Variants in GUCY1A2 observed in about 807,000 individuals in gnomAD.
The protein encoded by GUCY1A2 is guanylate cyclase 1 soluble subunit alpha 2, also known as guanylate cyclase soluble subunit alpha-2.
In GUCY1A2, 27 loss-of-function variants were observed where a neutral mutation model predicts 63.5. The ratio of observed to expected loss-of-function variants is 0.43; its 90% CI spans 0.31 to 0.59. The LOEUF (loss-of-function observed/expected upper bound fraction) is 0.59. Among genes scored for constraint, GUCY1A2 ranks in the 20% least tolerant of loss-of-function variants. The pLI is 0.11. For synonymous variants in GUCY1A2, 364 were observed against 343.5 expected (o/e 1.06, Z -0.66); for missense variants, 768 against 913.3 (o/e 0.84, Z 2.05).
At chr11:106,958,613 A>T (rs1315008516) in intron 3 of GUCY1A2, among the ~76,000 whole-genome samples, 55 of 61,198 alleles carry the variant, frequency 9.0e-4, no homozygotes, top group East Asian at 1.4e-3. Flanking sequence ...GTTTAATATA[A>T]AAAAAAAAAA....
intron 6 of GUCY1A2, among the ~76,000 whole-genome samples, chr11:106,768,140 A>G (rs1490873762): frequency 2.0e-5 from 3 of 152,090 alleles, no homozygotes; most frequent in South Asian, 2.1e-4. Context: ...ACTGAATTTA[A>G]TCAATGTCAA....
chr11:106,964,589 T>C (rs1421033725), intron 3 of GUCY1A2, among the ~76,000 whole-genome samples: 3 of 152,210 alleles, frequency 2.0e-5, no homozygotes, highest in Non-Finnish European at 4.4e-5. Flanking sequence ...CTATCTCTCA[T>C]TTGGAGTCAG....
chr11:106,943,610 T>G (rs987868383), intron 3 of GUCY1A2, among the ~76,000 whole-genome samples: 17 of 152,342 alleles, frequency 1.1e-4, no homozygotes, highest in African/African-American at 3.8e-4. Flanking sequence ...TATTTATGTC[T>G]GCGTATCTAT....
At chr11:106,747,240 G>A (rs1217071339) in intron 6 of GUCY1A2, among the ~76,000 whole-genome samples, 2 of 152,080 alleles carry the variant, frequency 1.3e-5, no homozygotes, top group Non-Finnish European at 1.5e-5. Context: ...TGCCCGCCTC[G>A]GCCTGCCAAA....
chr11:106,831,283 GACATTCCCGTGAACATGA>G (rs1859047084), intron 4 of GUCY1A2, among the ~76,000 whole-genome samples: 1 of 152,152 alleles, frequency 6.6e-6, no homozygotes, highest in Non-Finnish European at 1.5e-5. Context: ...TGTCTTTCTA[GACATTCCCGTGAACATGA>G]ACAACGTGTA....
At chr11:106,738,791 G>GT (rs1863636192) in intron 6 of GUCY1A2, among the ~76,000 whole-genome samples, 1 of 152,100 alleles carries the variant, frequency 6.6e-6, no homozygotes, top group Non-Finnish European at 1.5e-5. Context: ...TTTGGTTACT[G>GT]TAGCCTTGTA....
At chr11:106,712,277 G>A (rs190221919) in intron 6 of GUCY1A2, among the ~76,000 whole-genome samples, 30 of 152,096 alleles carry the variant, frequency 2.0e-4, no homozygotes, top group Admixed American at 2.0e-3. Context: ...CTTTTGCAAT[G>A]TCTAATTTGT....
At chr11:106,951,868 G>A (rs1456974674) in intron 3 of GUCY1A2, among the ~76,000 whole-genome samples, 2 of 151,976 alleles carry the variant, frequency 1.3e-5, no homozygotes, top group African/African-American at 2.4e-5. Context: ...TTATGGTTTG[G>A]GTTTTTACAT....
chr11:106,916,982 A>G (rs931876362), intron 4 of GUCY1A2, among the ~76,000 whole-genome samples: 4 of 145,990 alleles, frequency 2.7e-5, no homozygotes, highest in African/African-American at 7.3e-5. Flanking sequence ...ATGTTGTTCT[A>G]GGAGCTAACT....
At chr11:106,945,684 G>A (rs1860817815) in intron 3 of GUCY1A2, among the ~76,000 whole-genome samples, 1 of 152,228 alleles carries the variant, frequency 6.6e-6, no homozygotes, top group Non-Finnish European at 1.5e-5. Context: ...ACTGATACAG[G>A]CCGGGTGCGG....
rs1229638217 is a variant in GUCY1A2 at position 106,680,995 on chromosome 11, T to C, written c.*6554A>G. Reference sequence around the variant, plus strand: ...TAGCTGTAATCCTTATACATTATTCTAAATGATGAAGTAAATTTAACTACT... The same window carrying C: ...TAGCTGTAATCCTTATACATTATTCCAAATGATGAAGTAAATTTAACTACT... On this transcript the variant is annotated 3_prime_UTR_variant, in exon 8 of 8. Transcript: ENST00000526355. The C allele has an allele frequency of 4.9e-6, 1 of 203,780 alleles. No individual in the cohort carries two copies. Among genetic ancestry groups the C allele is most frequent in the Non-Finnish European group, 1.0e-5 (1 of 99,368 alleles). 12.6% of individuals were successfully genotyped at this position (203,780 alleles called of 1,614,324 possible).
chr11:106,957,969 TAATA>T (rs1454639442), intron 3 of GUCY1A2, among the ~76,000 whole-genome samples: 2 of 149,548 alleles, frequency 1.3e-5, no homozygotes, highest in Non-Finnish European at 3.0e-5. Context: ...TTGAATTAGG[TAATA>T]AATACTTAGC....
chr11:107,001,417 A>G (rs1861610650), intron 1 of GUCY1A2, among the ~76,000 whole-genome samples: 1 of 151,970 alleles, frequency 6.6e-6, no homozygotes, highest in South Asian at 2.1e-4. Context: ...AGGAAAATAC[A>G]TTTTTTTTAA....
At chr11:106,880,216 A>G (rs952584679) in intron 4 of GUCY1A2, among the ~76,000 whole-genome samples, 1 of 152,032 alleles carries the variant, frequency 6.6e-6, no homozygotes, top group Non-Finnish European at 1.5e-5. Flanking sequence ...AAATCCAGGA[A>G]CAGCCAACTT....
intron 4 of GUCY1A2, among the ~76,000 whole-genome samples, chr11:106,893,305 A>G (rs1370338265): frequency 6.6e-6 from 1 of 152,172 alleles, no homozygotes; most frequent in East Asian, 1.9e-4. Flanking sequence ...ACTGAATCAA[A>G]AACATGTTGG....
intron 4 of GUCY1A2, among the ~76,000 whole-genome samples, chr11:106,861,080 A>G (rs1412552205): frequency 1.3e-5 from 2 of 151,898 alleles, no homozygotes; most frequent in African/African-American, 4.8e-5. Flanking sequence ...TGAAAACACA[A>G]TGTGCTTGAG....
At chr11:106,802,224 A>G (rs1433098296) in intron 5 of GUCY1A2, among the ~76,000 whole-genome samples, 2 of 152,158 alleles carry the variant, frequency 1.3e-5, no homozygotes, top group Non-Finnish European at 2.9e-5. Flanking sequence ...ATGAATTTCC[A>G]TTTTAGTAAA....
chr11:106,693,050 G>A (rs1336640444), intron 7 of GUCY1A2, among the ~76,000 whole-genome samples: 2 of 152,168 alleles, frequency 1.3e-5, no homozygotes, highest in African/African-American at 4.8e-5. Flanking sequence ...CTATAAGAGA[G>A]TGACATTCTC....
At position 106,913,939 on chromosome 11, in the gene GUCY1A2, G is replaced by A. The variant is rs1226407059; in HGVS notation, c.1206+25521C>T. Among the ~76,000 whole-genome samples the A allele has an allele frequency of 3.5e-5, 5 of 144,286 alleles. No homozygotes were observed. In the Admixed American group the frequency reaches 3.5e-4, roughly 10 times the overall value. 94.7% of individuals were successfully genotyped at this position (144,286 alleles called of 152,430 possible). A position where few individuals can be genotyped will look rare whatever the true frequency, so the allele number is the denominator to read the frequency against. ...CATAACCTGGCTAAAGACTGAAAGA[G>A]TGCTAATGTTTGTTGGGTCATTGAT... On this transcript the variant is annotated intron_variant, in intron 4 of 7. Coordinates refer to ENST00000526355, the MANE Select transcript of GUCY1A2 (RefSeq NM_000855.3).
Sources: allele counts gnomAD v4.1 joint callset (sites outside exome capture counted in the v4.1 genomes callset), GRCh38; gene constraint gnomAD v4.1.1; transcripts MANE v1.5; gene names NCBI Gene and HGNC (gene_info 2026-07-23, HGNC 2026-07-21).